SNX29: variants seen among roughly 807,000 people sequenced by gnomAD.
SNX29 encodes sorting nexin-29.
A neutral mutation model predicts 102.1 loss-of-function variants in SNX29; 78 were observed. The ratio of observed to expected loss-of-function variants is 0.76; its 90% CI spans 0.64 to 0.92. The LOEUF is 0.92. Ranked by LOEUF, SNX29 falls within the 40% of genes least tolerant of loss-of-function variation. The pLI is 0.00. For synonymous variants in SNX29, 580 were observed against 414.5 expected (o/e 1.40, Z -4.85); for missense variants, 1,280 against 1,061.7 (o/e 1.21, Z -2.86).
chr16:12,563,771 CTGCCGACCT>C (rs1567211722), intron 20 of SNX29, among the ~76,000 whole-genome samples: 2 of 152,238 alleles, frequency 1.3e-5, no homozygotes, highest in African/African-American at 4.8e-5. Context: ...CCACCCTTGT[CTGCCGACCT>C]GTCTGAAGAC....
chr16:12,325,070 G>A (rs2081075718), intron 15 of SNX29, among the ~76,000 whole-genome samples: 1 of 152,044 alleles, frequency 6.6e-6, no homozygotes, highest in African/African-American at 2.4e-5. Context: ...CAATGTAACT[G>A]CCCCCAGTTT....
At chr16:12,537,180 C>G (rs1406594565) in intron 20 of SNX29, among the ~76,000 whole-genome samples, 1 of 152,140 alleles carries the variant, frequency 6.6e-6, no homozygotes, top group Non-Finnish European at 1.5e-5. Flanking sequence ...AAGATGCCAT[C>G]CCCCTGGCCA....
chr16:12,510,972 T>C (rs536698021), intron 19 of SNX29, among the ~76,000 whole-genome samples: 14 of 151,412 alleles, frequency 9.2e-5, no homozygotes, highest in African/African-American at 3.1e-4. Context: ...GCAAAAGCAC[T>C]CCCCCACAGA....
intron 5 of SNX29, among the ~76,000 whole-genome samples, chr16:12,044,969 T>C (rs761771041): frequency 6.6e-6 from 1 of 152,192 alleles, no homozygotes; most frequent in Non-Finnish European, 1.5e-5. Flanking sequence ...AGTCTCAAAG[T>C]TGAAGTGACC....
At chr16:12,539,611 G>A (rs746235660) in intron 20 of SNX29, among the ~76,000 whole-genome samples, 4 of 152,174 alleles carry the variant, frequency 2.6e-5, no homozygotes, top group Non-Finnish European at 4.4e-5. Flanking sequence ...CCTAAGAGTT[G>A]AGGACTGGAT....
chr16:12,409,421 C>CTTTTTTTTT (rs71139589), intron 18 of SNX29, among the ~76,000 whole-genome samples: 3 of 89,638 alleles, frequency 3.3e-5, no homozygotes, highest in African/African-American at 1.3e-4. Context: ...GATTCACTGT[C>CTTTTTTTTT]TTTTTTTTTT....
intron 11 of SNX29, among the ~76,000 whole-genome samples, chr16:12,101,871 C>T (rs571454342): frequency 2.0e-5 from 3 of 152,136 alleles, no homozygotes; most frequent in African/African-American, 7.2e-5. Context: ...CACCCATCAG[C>T]CCGTCATCTA....
chr16:12,553,578 G>A (rs529476231), intron 20 of SNX29, among the ~76,000 whole-genome samples: 69 of 143,164 alleles, frequency 4.8e-4, no homozygotes, highest in African/African-American at 1.5e-3. Flanking sequence ...GGGCTCTGAG[G>A]ATGCTTTGTT....
rs141435641 is a variant in SNX29 at position 12,385,344 on chromosome 16, C to T, written c.1900-13102C>T. On this transcript the variant is annotated intron_variant, in intron 16 of 20. Transcript: ENST00000566228. ...AACCCGGAAGGGATGTTGCCTGCAG[C>T]AGGAAGTGAATCCTGAGACAACTTG... Among the ~76,000 whole-genome samples the T allele has an allele frequency of 5.1e-4, 78 of 152,308 alleles. No individual in the cohort carries two copies. The East Asian group carries it at 0.015, about 29-fold the overall frequency.
intron 15 of SNX29, among the ~76,000 whole-genome samples, chr16:12,322,094 A>G (rs558552655): frequency 6.6e-6 from 1 of 152,228 alleles, no homozygotes; most frequent in Non-Finnish European, 1.5e-5. Context: ...TCACTGGAGG[A>G]AAAATGGCTC....
At chr16:12,285,766 T>G (rs146548304) in intron 15 of SNX29, among the ~76,000 whole-genome samples, 70 of 152,358 alleles carry the variant, frequency 4.6e-4, no homozygotes, top group African/African-American at 1.6e-3. Context: ...TACTGGATTT[T>G]TTATAAGGAC....
chr16:12,550,441 A>C (rs563925776), intron 20 of SNX29, among the ~76,000 whole-genome samples: 1 of 151,508 alleles, frequency 6.6e-6, no homozygotes, highest in South Asian at 2.1e-4. Flanking sequence ...AGGCTGAGGC[A>C]GGAGAATCAC....
chr16:12,557,148 C>T (rs549806665), intron 20 of SNX29, among the ~76,000 whole-genome samples: 1 of 152,072 alleles, frequency 6.6e-6, no homozygotes. Context: ...TGCCCCTGGT[C>T]ACAATTTCCA....
intron 15 of SNX29, among the ~76,000 whole-genome samples, chr16:12,295,178 C>T (rs536552785): frequency 3.2e-4 from 49 of 152,292 alleles, no homozygotes; most frequent in Non-Finnish European, 6.2e-4. Context: ...AGATTTGGGC[C>T]GGGGCACACC....
chr16:12,550,408 G>C (rs1022301655), intron 20 of SNX29, among the ~76,000 whole-genome samples: 1 of 151,880 alleles, frequency 6.6e-6, no homozygotes, highest in African/African-American at 2.4e-5. Context: ...GGTGGTGCAC[G>C]CCTGTACTCC....
intron 15 of SNX29, among the ~76,000 whole-genome samples, chr16:12,313,713 C>T (rs1290747099): frequency 6.6e-6 from 1 of 152,250 alleles, no homozygotes; most frequent in African/African-American, 2.4e-5. Context: ...TTGCATCCCC[C>T]ACACCTCACC....
At chr16:12,555,843 C>T (rs1184577517) in intron 20 of SNX29, among the ~76,000 whole-genome samples, 1 of 152,214 alleles carries the variant, frequency 6.6e-6, no homozygotes, top group Admixed American at 6.5e-5. Context: ...GACCAACCCC[C>T]CTCACCACCT....
chr16:12,388,653 C>T (rs1045774549), intron 16 of SNX29, among the ~76,000 whole-genome samples: 2 of 152,180 alleles, frequency 1.3e-5, no homozygotes, highest in Non-Finnish European at 2.9e-5. Flanking sequence ...TGATACATAA[C>T]TGGCTGAGTG....
intron 11 of SNX29, among the ~76,000 whole-genome samples, chr16:12,091,492 A>C (rs2052539336): frequency 6.6e-6 from 1 of 152,152 alleles, no homozygotes; most frequent in Non-Finnish European, 1.5e-5. Context: ...GCCCTTAAAA[A>C]AGGGACCCCA....
Sources: gnomAD v4.1 joint callset for allele counts (sites outside exome capture counted in the v4.1 genomes callset) on GRCh38, gnomAD v4.1.1 for gene constraint, MANE v1.5 for transcripts, NCBI Gene and HGNC (gene_info 2026-07-23, HGNC 2026-07-21) for gene names.